Variants in TLCD3B observed in about 807,000 individuals in gnomAD.
TLCD3B encodes the protein TLC domain containing 3B, also known as ceramide synthase.
In TLCD3B, 9 loss-of-function variants were observed where a neutral mutation model predicts 23.0. The ratio of observed to expected loss-of-function variants is 0.39; its 90% CI spans 0.24 to 0.68. The LOEUF (loss-of-function observed/expected upper bound fraction) is 0.68, where lower values mean the gene tolerates loss of function less well. Among genes scored for constraint, TLCD3B ranks in the 30% least tolerant of loss-of-function variants. The probability of loss-of-function intolerance (pLI) is 0.44; values close to 1 mark genes in which losing one functional copy is unlikely to be tolerated. For synonymous variants in TLCD3B, 161 were observed against 161.0 expected, an observed-to-expected ratio of 1.00 and a Z score of 0.00; for missense variants, 307 against 371.8, an observed-to-expected ratio of 0.83 and a Z score of 1.43.
intron 2 of TLCD3B, among the ~76,000 whole-genome samples, chr16:30,028,421 G>A (rs1249749445): frequency 6.6e-6 from 1 of 152,130 alleles, no homozygotes; most frequent in Non-Finnish European, 1.5e-5. Context: ...GGTGACCTCT[G>A]CATGTGAAGG....
intron 2 of TLCD3B, among the ~76,000 whole-genome samples, chr16:30,028,521 G>A (rs907648234): frequency 1.3e-5 from 2 of 152,160 alleles, no homozygotes; most frequent in African/African-American, 4.8e-5. Flanking sequence ...GTCCCTGGGC[G>A]GGGTCTGAAG....
chr16:30,026,709 G>C lies in TLCD3B; in HGVS notation c.344C>G (p.Pro115Arg), dbSNP rs773111522. 2.5e-6 allele frequency: 4 copies of C among 1,613,864 alleles called. No individual in the cohort carries two copies. The South Asian group carries it at 3.3e-5, about 13-fold the overall frequency. Residue 115 changes from proline (P) to arginine (R), a missense_variant, in exon 3 of 5, where the codon CCG (proline) becomes CGG (arginine). By Grantham distance (103) the Pro-to-Arg change is moderately radical. Transcript: ENST00000380495. ...ACGCGCTATGGCCCACGTGCTGCCCGGGGCTCTGGCCGCTCCGTCGTCCCC... is the reference window on the plus strand; with the variant it reads ...ACGCGCTATGGCCCACGTGCTGCCCCGGGCTCTGGCCGCTCCGTCGTCCCC... Reference protein sequence around the residue: ...HGGDDGAARAPGSTWAIARGY... With the variant: ...HGGDDGAARARGSTWAIARGY...
At chr16:30,040,082 C>T (rs968628381) in intron 3 of TLCD3B, among the ~76,000 whole-genome samples, 4 of 144,124 alleles carry the variant, frequency 2.8e-5, no homozygotes, top group South Asian at 2.2e-4. Flanking sequence ...TGCAGTGATC[C>T]GAGATGGTGC....
At chr16:30,048,079 T>C (rs1596782091) in intron 1 of TLCD3B, among the ~76,000 whole-genome samples, 1 of 150,628 alleles carries the variant, frequency 6.6e-6, no homozygotes, top group Non-Finnish European at 1.5e-5. Flanking sequence ...AAGGCAGAGG[T>C]TGCAGTGAGT....
intron 3 of TLCD3B, among the ~76,000 whole-genome samples, chr16:30,040,147 A>AAATATATATATATATATATAT: frequency 1.1e-4 from 11 of 95,888 alleles, no homozygotes; most frequent in African/African-American, 3.9e-4. Flanking sequence ...AAAAAAAAAA[A>AAATATATATATATATATATAT]ATATATATAT....
chr16:30,048,310 T>C (rs2071703958), intron 1 of TLCD3B, among the ~76,000 whole-genome samples: 1 of 151,636 alleles, frequency 6.6e-6, no homozygotes, highest in Non-Finnish European at 1.5e-5. Flanking sequence ...TGGAGTTCAC[T>C]ATGTTTCTGA....
Position 30,025,233 on chromosome 16 carries a change from G to A in TLCD3B, c.775C>T (p.Leu259Phe), listed in dbSNP as rs1438657523. ...FFLICRGACRLFWPRSRPPPA... is the reference protein window; with the variant it reads ...FFLICRGACRFFWPRSRPPPA... ...GGCGGCCGGGAGCGGGGCCAGAAGA[G>A]GCGGCAGGCCCCACGGCAGATGAGG... The change falls in exon 5 of 5, where the codon CTC (leucine) becomes TTC (phenylalanine). Residue 259 changes from leucine to phenylalanine, a missense_variant. Leu to Phe is a conservative substitution (Grantham distance 22). Transcript: ENST00000380495. The surrounding 1 kb of genome is among the most constrained non-coding windows in gnomAD (Gnocchi z 4.1). 1 of 1,522,452 alleles carries A rather than the reference G, an allele frequency of 6.6e-7. No homozygotes were observed. Among genetic ancestry groups the A allele is most frequent in the Non-Finnish European group, 8.8e-7 (1 of 1,137,212 alleles). The allele number at this position is 1,522,452 out of a possible 1,614,324, so 94.3% of individuals were successfully genotyped here.
chr16:30,030,644 G>A lies in TLCD3B; in HGVS notation c.-117C>T. On this transcript the variant is annotated 5_prime_UTR_variant, in exon 1 of 5. Coordinates refer to ENST00000380495, the MANE Select transcript of TLCD3B (RefSeq NM_031478.6). ...GCCCGGGAAGGAGGGAGAAAACGAT[G>A]AGAAGGGGCACAAAGGGGCCAGGGC... 1 of 1,361,396 alleles carries A rather than the reference G, an allele frequency of 7.3e-7. No homozygotes were observed. Among genetic ancestry groups the A allele is most frequent in the East Asian group, 3.2e-5 (1 of 31,496 alleles). 84.3% of individuals were successfully genotyped at this position (1,361,396 alleles called of 1,614,324 possible).
At chr16:30,046,992 G>T (rs79619339) in intron 1 of TLCD3B, among the ~76,000 whole-genome samples, 1 of 152,094 alleles carries the variant, frequency 6.6e-6, no homozygotes, top group Non-Finnish European at 1.5e-5. Context: ...ATGAGATCTC[G>T]ATCTGTCGTC....
At chr16:30,027,504 T>A in intron 2 of TLCD3B, 1 of 448,586 alleles carries the variant, frequency 2.2e-6, no homozygotes, top group Non-Finnish European at 4.5e-6. Context: ...CCGAGAGGCA[T>A]CAGAGACAGA....
chr16:30,038,530 T>C (rs192852055), intron 3 of TLCD3B, among the ~76,000 whole-genome samples: 2 of 152,236 alleles, frequency 1.3e-5, no homozygotes, highest in East Asian at 3.9e-4. Context: ...GGCGGGCAGA[T>C]CACAAGGTCA....
At position 30,029,973 on chromosome 16, in the gene TLCD3B, A is replaced by G; in HGVS notation, c.125+430T>C. The stretch of plus-strand genomic sequence containing the variant: ...ACTTTCCCACTGTCTCCTGACTGCC[A>G]CCAGCCTCCACTCTGCACTCTGGCC... On this transcript the variant is annotated intron_variant, in intron 1 of 4. Coordinates refer to ENST00000380495, the MANE Select transcript of TLCD3B (RefSeq NM_031478.6). The surrounding 1 kb of genome is among the most constrained non-coding windows in gnomAD (Gnocchi z 4.6). 2 of 1,254,764 alleles carry G rather than the reference A, an allele frequency of 1.6e-6. No homozygotes were observed. Among genetic ancestry groups the G allele is most frequent in the South Asian group, 1.3e-5 (1 of 79,792 alleles). 77.7% of individuals were successfully genotyped at this position (1,254,764 alleles called of 1,614,324 possible). A position where few individuals can be genotyped will look rare whatever the true frequency, so the allele number is the denominator to read the frequency against.
At chr16:30,042,006 T>C (rs893406220) in intron 2 of TLCD3B, among the ~76,000 whole-genome samples, 1 of 152,184 alleles carries the variant, frequency 6.6e-6, no homozygotes, top group Non-Finnish European at 1.5e-5. Context: ...CAATTTTTCT[T>C]TCATTATTGT....
chr16:30,047,267 G>A (rs1381695716), intron 1 of TLCD3B, among the ~76,000 whole-genome samples: 2 of 152,002 alleles, frequency 1.3e-5, no homozygotes, highest in Non-Finnish European at 2.9e-5. Flanking sequence ...CTCCTGAGTA[G>A]CTGGGGCTAC....
At chr16:30,047,978 C>T (rs1251718437) in intron 1 of TLCD3B, among the ~76,000 whole-genome samples, 3 of 151,410 alleles carry the variant, frequency 2.0e-5, no homozygotes, top group Non-Finnish European at 4.4e-5. Flanking sequence ...CCTGTCTCTA[C>T]TAAATATACA....
intron 1 of TLCD3B, among the ~76,000 whole-genome samples, chr16:30,048,309 C>T (rs1327067210): frequency 6.6e-6 from 1 of 151,490 alleles, no homozygotes; most frequent in Non-Finnish European, 1.5e-5. Flanking sequence ...ATGGAGTTCA[C>T]TATGTTTCTG....
chr16:30,048,148 G>GA (rs34378362), intron 1 of TLCD3B, among the ~76,000 whole-genome samples: 88 of 141,232 alleles, frequency 6.2e-4, no homozygotes, highest in East Asian at 3.9e-3. Context: ...GCCTCCAAAA[G>GA]AAAAAAAAAA....
rs1026738696 is a variant in TLCD3B, at chr16:30,040,833, T to G, written c.-67+162A>C. On this transcript the variant is annotated intron_variant, in intron 3 of 6. Coordinates refer to the TLCD3B transcript ENST00000561666. ...ACCACACCTGGCTAATCTGGGGAGG[T>G]TTTTTTTTCTAGAGATGGGATCTTG... is the stretch of plus-strand genomic sequence containing the variant. 1.5e-4 allele frequency among the ~76,000 whole-genome samples: 23 copies of G among 150,032 alleles called. No individual in the cohort carries two copies. In the South Asian group the frequency reaches 3.4e-3, roughly 22 times the overall value.
intron 2 of TLCD3B, among the ~76,000 whole-genome samples, chr16:30,043,928 C>T (rs543034005): frequency 8.6e-5 from 13 of 151,368 alleles, no homozygotes; most frequent in Non-Finnish European, 1.6e-4. Flanking sequence ...TCCAGCAATA[C>T]GCCCGATCCT....
Sources: gnomAD v4.1 joint callset for allele counts (sites outside exome capture counted in the v4.1 genomes callset) on GRCh38, gnomAD v4.1.1 for gene constraint, Gnocchi (gnomAD v3.1) non-coding constraint, MANE v1.5 for transcripts, NCBI Gene and HGNC (gene_info 2026-07-23, HGNC 2026-07-21) for gene names.